HCN1: variants seen among roughly 807,000 people sequenced by gnomAD.
HCN1 encodes the protein hyperpolarization activated cyclic nucleotide gated potassium channel 1.
A neutral mutation model predicts 78.9 loss-of-function variants in HCN1; 13 were observed. The observed-to-expected ratio is 0.16, with a 90% confidence interval of 0.11 to 0.26. HCN1 has a LOEUF of 0.26. Ranked by LOEUF, HCN1 falls within the 10% of genes least tolerant of loss-of-function variation. The probability of loss-of-function intolerance (pLI) is 1.00; values close to 1 mark genes in which losing one functional copy is unlikely to be tolerated. For missense variants in HCN1, 810 were observed against 1,154.3 expected (o/e 0.70, Z 4.32); for synonymous variants, 552 against 455.5 (o/e 1.21, Z -2.70).
At chr5:45,352,327 A>C (rs1054975211) in intron 5 of HCN1, among the ~76,000 whole-genome samples, 7 of 151,706 alleles carry the variant, frequency 4.6e-5, no homozygotes, top group Admixed American at 3.3e-4. Context: ...TTGAACAATG[A>C]GAACACATGG....
At chr5:45,675,941 C>G (rs1451498252) in intron 1 of HCN1, among the ~76,000 whole-genome samples, 1 of 151,618 alleles carries the variant, frequency 6.6e-6, no homozygotes, top group African/African-American at 2.4e-5. Flanking sequence ...GTGAGCAAAC[C>G]AAGGATTATC....
intron 6 of HCN1, among the ~76,000 whole-genome samples, chr5:45,297,242 C>T (rs1376724180): frequency 6.6e-6 from 1 of 152,082 alleles, no homozygotes; most frequent in Non-Finnish European, 1.5e-5. Context: ...ACCCTTAAGA[C>T]ACAGATCGCT....
chr5:45,681,550 A>G (rs1739702885), intron 1 of HCN1, among the ~76,000 whole-genome samples: 1 of 152,052 alleles, frequency 6.6e-6, no homozygotes, highest in Non-Finnish European at 1.5e-5. Flanking sequence ...AATTTGGTAA[A>G]CACGATAAAA....
chr5:45,367,192 T>C (rs909858707), intron 4 of HCN1, among the ~76,000 whole-genome samples: 1 of 151,788 alleles, frequency 6.6e-6, no homozygotes, highest in African/African-American at 2.4e-5. Context: ...TCGAGTCTTA[T>C]TTAAGTAAAA....
rs1195027706 is a variant in HCN1, at chr5:45,259,557, A to G, written c.*2364T>C. On this transcript the variant is annotated 3_prime_UTR_variant, in exon 8 of 8. Coordinates refer to ENST00000303230, the MANE Select transcript of HCN1 (RefSeq NM_021072.4). ...TTTTTCTTAATCTAAGTATATATAC[A>G]TTCATACATATATGTATATAATTTA... 6.6e-6 allele frequency: 1 copy of G among 152,220 alleles called. No homozygotes were observed. Among genetic ancestry groups the G allele is most frequent in the Non-Finnish European group, 1.5e-5 (1 of 67,878 alleles). The allele number at this position is 152,220 out of a possible 1,614,324, so 9.4% of individuals were successfully genotyped here. A position where few individuals can be genotyped will look rare whatever the true frequency, so the allele number is the denominator to read the frequency against.
intron 6 of HCN1, among the ~76,000 whole-genome samples, chr5:45,272,204 T>C (rs1287618568): frequency 6.6e-6 from 1 of 152,040 alleles, no homozygotes; most frequent in East Asian, 1.9e-4. Flanking sequence ...AACACAGCCC[T>C]TTGTTAGGTG....
At chr5:45,504,546 G>A (rs1203889264) in intron 2 of HCN1, among the ~76,000 whole-genome samples, 1 of 152,100 alleles carries the variant, frequency 6.6e-6, no homozygotes, top group Non-Finnish European at 1.5e-5. Context: ...TGTGAATAGT[G>A]CCGCAATAAA....
At chr5:45,455,306 T>A (rs567644607) in intron 3 of HCN1, among the ~76,000 whole-genome samples, 2 of 152,222 alleles carry the variant, frequency 1.3e-5, no homozygotes, top group South Asian at 4.1e-4. Context: ...TTCAAATTCC[T>A]ATTAATAGAT....
At chr5:45,431,455 AT>A (rs2112077427) in intron 3 of HCN1, among the ~76,000 whole-genome samples, 1 of 152,054 alleles carries the variant, frequency 6.6e-6, no homozygotes, top group South Asian at 2.1e-4. Context: ...TCCGTTCTCA[AT>A]TTTTGCTTTT....
intron 2 of HCN1, among the ~76,000 whole-genome samples, chr5:45,531,171 A>C (rs1315078185): frequency 6.6e-6 from 1 of 152,194 alleles, no homozygotes; most frequent in Non-Finnish European, 1.5e-5. Context: ...TCACATGAAT[A>C]ATCTATGGCA....
intron 3 of HCN1, among the ~76,000 whole-genome samples, chr5:45,408,948 T>G (rs1739977141): frequency 1.3e-5 from 2 of 152,152 alleles, no homozygotes; most frequent in Non-Finnish European, 2.9e-5. Flanking sequence ...ATCATATGTG[T>G]AGTCTTTGGG....
chr5:45,480,655 G>T (rs1741630004), intron 2 of HCN1, among the ~76,000 whole-genome samples: 1 of 152,106 alleles, frequency 6.6e-6, no homozygotes, highest in South Asian at 2.1e-4. Flanking sequence ...GGAAGGTCAA[G>T]AATAAATGTC....
chr5:45,376,113 T>C (rs1267635188), intron 4 of HCN1, among the ~76,000 whole-genome samples: 4 of 110,310 alleles, frequency 3.6e-5, no homozygotes, highest in Non-Finnish European at 6.6e-5. Context: ...TGTTTTATAA[T>C]ATATAATATG....
chr5:45,262,080 G>C lies in HCN1; in HGVS notation c.2514C>G (p.Arg838=), dbSNP rs1561078915. 1 of 1,613,472 alleles carries C rather than the reference G, an allele frequency of 6.2e-7. No individual in the cohort carries two copies. Among genetic ancestry groups the C allele is most frequent in the Non-Finnish European group, 8.5e-7 (1 of 1,179,882 alleles). Residue 838 remains arginine, a synonymous_variant, in exon 8 of 8, where the codon CGC becomes CGG. Transcript: ENST00000303230. ...ACGACATCTGTCGGAAGAGGGTGAC[G>C]CGCTGCGGGACAGTGCTCCTGCCCC... is the stretch of plus-strand genomic sequence containing the variant. ...QAGGRSTVPQ[R]VTLFRQMSSG...
At chr5:45,674,428 A>G (rs148574377) in intron 1 of HCN1, among the ~76,000 whole-genome samples, 54 of 151,796 alleles carry the variant, frequency 3.6e-4, no homozygotes, top group African/African-American at 1.3e-3. Context: ...CAGATCTTCT[A>G]TCTACATATA....
At chr5:45,327,792 C>G (rs1746265785) in intron 5 of HCN1, among the ~76,000 whole-genome samples, 1 of 151,596 alleles carries the variant, frequency 6.6e-6, no homozygotes, top group Admixed American at 6.6e-5. Flanking sequence ...ACAGAAAAGA[C>G]ATCTGGGGTG....
intron 2 of HCN1, among the ~76,000 whole-genome samples, chr5:45,483,185 A>G (rs970965579): frequency 2.0e-5 from 3 of 152,152 alleles, no homozygotes; most frequent in African/African-American, 7.2e-5. Context: ...GAATCTGCAG[A>G]TTGCTTTCCA....
chr5:45,323,482 C>G (rs747026503), intron 5 of HCN1, among the ~76,000 whole-genome samples: 1 of 151,704 alleles, frequency 6.6e-6, no homozygotes, highest in Non-Finnish European at 1.5e-5. Context: ...TGGTAGAATG[C>G]CTTTCTAGAT....
intron 2 of HCN1, among the ~76,000 whole-genome samples, chr5:45,587,559 G>T (rs1400363728): frequency 6.9e-6 from 1 of 144,814 alleles, no homozygotes. Flanking sequence ...TGGGGTAGGG[G>T]GAGGGGGGAG....
Sources: gnomAD v4.1 joint callset for allele counts (sites outside exome capture counted in the v4.1 genomes callset) on GRCh38, gnomAD v4.1.1 for gene constraint, MANE v1.5 for transcripts, NCBI Gene and HGNC (gene_info 2026-07-23, HGNC 2026-07-21) for gene names.